Variants in DMXL1 observed in about 807,000 individuals in gnomAD.
DMXL1 encodes the protein dmX-like protein 1.
A neutral mutation model predicts 319.2 loss-of-function variants in DMXL1; 99 were observed. The ratio of observed to expected loss-of-function variants is 0.31; its 90% CI spans 0.26 to 0.37. The LOEUF is 0.37. Among genes scored for constraint, DMXL1 ranks in the 10% least tolerant of loss-of-function variants. The pLI is 1.00. For missense variants in DMXL1, 3,745 were observed against 3,595.6 expected (o/e 1.04, Z -1.06); for synonymous variants, 1,385 against 1,235.2 (o/e 1.12, Z -2.54).
rs183830933 is a variant in DMXL1 at position 119,129,027 on chromosome 5, C to T, written c.1103-184C>T. On this transcript the variant is annotated intron_variant, in intron 9 of 43. Coordinates refer to ENST00000539542, the MANE Select transcript of DMXL1 (RefSeq NM_001290321.3). ...AAGCCAAGATCACACCAGTGCACTC[C>T]AGCCTGGCAACAGAGCGAAACTCTG... is the stretch of plus-strand genomic sequence containing the variant. Among the ~76,000 whole-genome samples, 4 of 152,206 alleles carry T rather than the reference C, an allele frequency of 2.6e-5. No individual in the cohort carries two copies. In the East Asian group the frequency reaches 7.7e-4, roughly 29 times the overall value.
At chr5:119,241,171 A>G (rs1788716668) in intron 42 of DMXL1, among the ~76,000 whole-genome samples, 1 of 152,202 alleles carries the variant, frequency 6.6e-6, no homozygotes, top group Non-Finnish European at 1.5e-5. Context: ...GAAAATCATG[A>G]GTACATACAG....
chr5:119,076,507 G>A (rs1466828169), intron 1 of DMXL1, among the ~76,000 whole-genome samples: 2 of 152,094 alleles, frequency 1.3e-5, no homozygotes, highest in African/African-American at 4.8e-5. Flanking sequence ...GGTGTTTGTG[G>A]TGCATAAAAT....
intron 6 of DMXL1, 73 bp downstream of exon 6, chr5:119,114,614 C>G: frequency 1.0e-6 from 1 of 956,358 alleles, no homozygotes; most frequent in Non-Finnish European, 1.6e-6. Flanking sequence ...CATCAACTGG[C>G]TTCATTCTTT....
intron 2 of DMXL1, 152 bp from the exon 3 acceptor site, chr5:119,101,783 T>G (rs1287707867): frequency 1.6e-6 from 1 of 611,878 alleles, no homozygotes; most frequent in Non-Finnish European, 2.9e-6. Flanking sequence ...CTAATGCAGA[T>G]GTGATAGTCT....
rs766113047 is a variant in DMXL1, at chr5:119,244,363, T to C, written c.8709T>C (p.Phe2903=). The part of the protein sequence containing the change: ...VAPANSLVHA[F]TCHDSGATVL... The stretch of plus-strand genomic sequence containing the variant: ...TTTTTTTTAATTTACTTTCAGCATT[T>C]ACCTGCCATGACAGTGGAGCCACAG... The change falls in exon 43 of 44, where the codon TTT becomes TTC. Residue 2903 remains phenylalanine, a synonymous_variant. Transcript: ENST00000539542. The C allele has an allele frequency of 6.2e-7, 1 of 1,610,362 alleles. No homozygotes were observed. Among genetic ancestry groups the C allele is most frequent in the East Asian group, 2.2e-5 (1 of 44,836 alleles).
chr5:119,113,683 A>G (rs1760177852), intron 5 of DMXL1, among the ~76,000 whole-genome samples: 1 of 152,210 alleles, frequency 6.6e-6, no homozygotes, highest in African/African-American at 2.4e-5. Context: ...GCTTTGTCTG[A>G]GGAAAGGATG....
In DMXL1 at chr5:119,140,356, A is replaced by G. The variant is rs558914317; in HGVS notation, c.2377-3485A>G. On this transcript the variant is annotated intron_variant, in intron 13 of 43. Transcript: ENST00000539542. ...GAAATGGCTGTTTGAAAAGATTAAT[A>G]AGATAAGTACGTTGCTAACTAAGCC... 2.6e-5 allele frequency among the ~76,000 whole-genome samples: 4 copies of G among 152,304 alleles called. No homozygotes were observed. In the South Asian group the frequency reaches 8.3e-4, roughly 32 times the overall value.
At chr5:119,081,619 G>T in intron 1 of DMXL1, 1 of 984,976 alleles carries the variant, frequency 1.0e-6, no homozygotes, top group East Asian at 1.1e-4. Context: ...GTGTAGATGA[G>T]AAGTTAATGT....
At chr5:119,163,700 T>C (rs1042874477) in intron 19 of DMXL1, among the ~76,000 whole-genome samples, 1 of 152,240 alleles carries the variant, frequency 6.6e-6, no homozygotes, top group Non-Finnish European at 1.5e-5. Flanking sequence ...GCCATTCTCC[T>C]GCGTCAGCCT....
Position 119,071,562 on chromosome 5 carries a change from G to A in DMXL1, c.-8G>A, listed in dbSNP as rs778032588. ...ATGCGGTGTCCGTTGCAGGACTAGG[G>A]CGCCGACATGAACCTGCACCAGGTG... On this transcript the variant is annotated 5_prime_UTR_variant, in exon 1 of 44. Transcript: ENST00000539542. 28 of 1,601,172 alleles carry A rather than the reference G, an allele frequency of 1.7e-5. No homozygotes were observed. In the African/African-American group the frequency reaches 3.5e-4, roughly 20 times the overall value.
intron 9 of DMXL1, chr5:119,127,299 C>A: frequency 4.6e-6 from 1 of 219,032 alleles, no homozygotes; most frequent in South Asian, 8.8e-5. Flanking sequence ...CCATTAACTT[C>A]AATGGTAGTA....
intron 1 of DMXL1, among the ~76,000 whole-genome samples, chr5:119,078,903 A>G (rs1751580638): frequency 6.6e-6 from 1 of 152,210 alleles, no homozygotes; most frequent in Non-Finnish European, 1.5e-5. Context: ...ATAATTTAGC[A>G]TGAGTTAATT....
chr5:119,177,051 C>T (rs1775937066), intron 26 of DMXL1, among the ~76,000 whole-genome samples: 1 of 152,092 alleles, frequency 6.6e-6, no homozygotes, highest in Non-Finnish European at 1.5e-5. Flanking sequence ...AAACGGACTT[C>T]ATTTTCAACC....
At chr5:119,190,968 C>G (rs1473639098) in intron 29 of DMXL1, among the ~76,000 whole-genome samples, 1 of 152,136 alleles carries the variant, frequency 6.6e-6, no homozygotes, top group Non-Finnish European at 1.5e-5. Context: ...AAGGCAATTG[C>G]TATTCAAACT....
intron 28 of DMXL1, among the ~76,000 whole-genome samples, chr5:119,185,285 A>G (rs1237103991): frequency 6.6e-6 from 1 of 151,782 alleles, no homozygotes; most frequent in Non-Finnish European, 1.5e-5. Context: ...TTTTCCTTCC[A>G]TATTCTGGTG....
chr5:119,093,626 T>G (rs2149758014), intron 1 of DMXL1, among the ~76,000 whole-genome samples: 1 of 152,298 alleles, frequency 6.6e-6, no homozygotes, highest in East Asian at 1.9e-4. Context: ...CACATCTCTT[T>G]CTTTAAATCA....
At chr5:119,192,116 C>A (rs1054340906) in intron 29 of DMXL1, among the ~76,000 whole-genome samples, 1 of 152,096 alleles carries the variant, frequency 6.6e-6, no homozygotes, top group Non-Finnish European at 1.5e-5. Context: ...TCCATCCTAT[C>A]CTCACTCTTA....
intron 3 of DMXL1, chr5:119,104,299 A>G (rs1757880295): frequency 6.6e-6 from 1 of 152,212 alleles, no homozygotes; most frequent in Non-Finnish European, 1.5e-5. Context: ...ATTGAAAGAC[A>G]TTCCTGCAAG....
At chr5:119,232,974 A>C (rs1423027380) in intron 38 of DMXL1, among the ~76,000 whole-genome samples, 1 of 151,968 alleles carries the variant, frequency 6.6e-6, no homozygotes. Context: ...ATACATTTAC[A>C]CATTAATAGT....
Sources: gnomAD v4.1 joint callset for allele counts (sites outside exome capture counted in the v4.1 genomes callset) on GRCh38, gnomAD v4.1.1 for gene constraint, MANE v1.5 for transcripts, NCBI Gene and HGNC (gene_info 2026-07-23, HGNC 2026-07-21) for gene names.